Variants in CTNNA3 observed in about 807,000 individuals in gnomAD.
CTNNA3 encodes catenin alpha 3, also known as catenin alpha-3.
In CTNNA3, 76 loss-of-function variants were observed where a neutral mutation model predicts 95.7. That is an observed-to-expected ratio of 0.79 (90% CI 0.66 to 0.96). The LOEUF (loss-of-function observed/expected upper bound fraction) is 0.96, where lower values mean the gene tolerates loss of function less well. Among genes scored for constraint, CTNNA3 ranks in the 40% least tolerant of loss-of-function variants. The pLI is 0.00. For missense variants in CTNNA3, 1,191 were observed against 1,089.8 expected (o/e 1.09, Z -1.31); for synonymous variants, 431 against 374.4 (o/e 1.15, Z -1.74).
At chr10:66,164,986 C>T (rs972790755) in intron 13 of CTNNA3, among the ~76,000 whole-genome samples, 1 of 152,018 alleles carries the variant, frequency 6.6e-6, no homozygotes, top group Non-Finnish European at 1.5e-5. Flanking sequence ...ATTTCTGTTC[C>T]TATCTGACAC....
intron 1 of CTNNA3, among the ~76,000 whole-genome samples, chr10:67,720,031 A>G (rs984513884): frequency 2.7e-5 from 4 of 149,720 alleles, no homozygotes; most frequent in African/African-American, 7.4e-5. Flanking sequence ...TTCTTGTTGC[A>G]TTGATCCCTT....
At chr10:66,068,710 T>A (rs1030542856) in intron 15 of CTNNA3, among the ~76,000 whole-genome samples, 1 of 152,196 alleles carries the variant, frequency 6.6e-6, no homozygotes, top group Non-Finnish European at 1.5e-5. Flanking sequence ...ATAGTTTGTG[T>A]ACATTAGTTA....
At chr10:67,483,451 G>T (rs1169012427) in intron 5 of CTNNA3, among the ~76,000 whole-genome samples, 1 of 150,340 alleles carries the variant, frequency 6.7e-6, no homozygotes, top group Non-Finnish European at 1.5e-5. Flanking sequence ...AAAATGATGA[G>T]TTCATGTCCT....
chr10:66,246,435 G>A (rs2090328987), intron 13 of CTNNA3, among the ~76,000 whole-genome samples: 1 of 152,098 alleles, frequency 6.6e-6, no homozygotes, highest in Admixed American at 6.6e-5. Flanking sequence ...GCAAGGGCCA[G>A]GGCTCCTGCT....
At position 66,359,615 on chromosome 10, in the gene CTNNA3, CA is replaced by C. The variant is rs2092637557; in HGVS notation, c.1732+19536del. Reference sequence around the variant, plus strand: ...AGACAATAGCATCAATTAGGAGATACATGCATACCTCTGTTCTGTTTTGCAT... The same window carrying C: ...AGACAATAGCATCAATTAGGAGATACTGCATACCTCTGTTCTGTTTTGCAT... On this transcript the variant is annotated intron_variant, in intron 12 of 17. Coordinates refer to ENST00000433211, the MANE Select transcript of CTNNA3 (RefSeq NM_013266.4). Among the ~76,000 whole-genome samples, 4 of 152,232 alleles carry C rather than the reference CA, an allele frequency of 2.6e-5. No individual in the cohort carries two copies. In the South Asian group the frequency reaches 8.3e-4, roughly 32 times the overall value.
At chr10:66,303,322 T>C (rs2091889926) in intron 12 of CTNNA3, among the ~76,000 whole-genome samples, 1 of 151,902 alleles carries the variant, frequency 6.6e-6, no homozygotes, top group African/African-American at 2.4e-5. Context: ...AAAGAAACAA[T>C]AGTTATGAAA....
At chr10:67,116,272 G>T (rs1859184265) in intron 7 of CTNNA3, among the ~76,000 whole-genome samples, 1 of 152,074 alleles carries the variant, frequency 6.6e-6, no homozygotes. Flanking sequence ...CTTCTAAGGA[G>T]TGACTTATTC....
At chr10:67,070,532 A>C (rs1856382313) in intron 7 of CTNNA3, among the ~76,000 whole-genome samples, 1 of 152,090 alleles carries the variant, frequency 6.6e-6, no homozygotes, top group Non-Finnish European at 1.5e-5. Flanking sequence ...GCAGATAACA[A>C]GGTCCGGAGA....
intron 11 of CTNNA3, among the ~76,000 whole-genome samples, chr10:66,498,166 C>T (rs868385158): frequency 1.1e-4 from 17 of 151,878 alleles, no homozygotes; most frequent in Admixed American, 2.6e-4. Context: ...ACAATGACAA[C>T]GAAATCTCAA....
intron 12 of CTNNA3, among the ~76,000 whole-genome samples, chr10:66,298,713 AAGTGATCT>A (rs1243485927): frequency 1.3e-5 from 2 of 152,162 alleles, no homozygotes; most frequent in African/African-American, 4.8e-5. Context: ...GAGAGTTGGC[AAGTGATCT>A]AGTCAGCCAA....
chr10:66,499,624 A>C (rs1840211847), intron 11 of CTNNA3, among the ~76,000 whole-genome samples: 2 of 152,122 alleles, frequency 1.3e-5, no homozygotes, highest in Admixed American at 1.3e-4. Context: ...ATATAAAACT[A>C]ATATCATTGT....
chr10:67,093,832 T>C (rs1481086317), intron 7 of CTNNA3, among the ~76,000 whole-genome samples: 1 of 152,028 alleles, frequency 6.6e-6, no homozygotes, highest in Non-Finnish European at 1.5e-5. Flanking sequence ...ACACTCCTTT[T>C]TCAAATTATG....
At chr10:67,080,095 T>G (rs922872110) in intron 7 of CTNNA3, among the ~76,000 whole-genome samples, 1 of 152,132 alleles carries the variant, frequency 6.6e-6, no homozygotes, top group Non-Finnish European at 1.5e-5. Context: ...AGGGAGGGCA[T>G]GGCAAGAAGA....
intron 7 of CTNNA3, chr10:66,928,073 G>A: frequency 6.2e-7 from 1 of 1,614,056 alleles, no homozygotes; most frequent in Non-Finnish European, 8.5e-7. Context: ...AAGCTCCCCA[G>A]GCCGAAGCAT....
At chr10:66,073,135 G>A (rs771265837) in intron 14 of CTNNA3, among the ~76,000 whole-genome samples, 1 of 152,050 alleles carries the variant, frequency 6.6e-6, no homozygotes, top group Non-Finnish European at 1.5e-5. Flanking sequence ...GGGGGAGGGG[G>A]TTTGAGAAGA....
intron 10 of CTNNA3, among the ~76,000 whole-genome samples, chr10:66,618,655 G>T (rs1423779889): frequency 1.3e-5 from 2 of 152,096 alleles, no homozygotes; most frequent in African/African-American, 4.8e-5. Flanking sequence ...CATGGGCAAG[G>T]ACTTCATGTC....
intron 5 of CTNNA3, among the ~76,000 whole-genome samples, chr10:67,449,064 G>A (rs1846865025): frequency 6.6e-6 from 1 of 151,588 alleles, no homozygotes; most frequent in African/African-American, 2.4e-5. Context: ...AGCCAAATCA[G>A]CCGAATCTCA....
intron 15 of CTNNA3, among the ~76,000 whole-genome samples, chr10:66,048,531 C>G (rs373251914): frequency 6.6e-6 from 1 of 152,054 alleles, no homozygotes; most frequent in Non-Finnish European, 1.5e-5. Context: ...GAGGCTGAGA[C>G]GGGCGGATCA....
chr10:66,211,165 G>A (rs989730012), intron 13 of CTNNA3, among the ~76,000 whole-genome samples: 1 of 152,136 alleles, frequency 6.6e-6, no homozygotes, highest in Non-Finnish European at 1.5e-5. Flanking sequence ...ATCAACACAG[G>A]AAAAGACAGC....
Sources: allele counts gnomAD v4.1 joint callset (sites outside exome capture counted in the v4.1 genomes callset), GRCh38; gene constraint gnomAD v4.1.1; transcripts MANE v1.5; gene names NCBI Gene and HGNC (gene_info 2026-07-23, HGNC 2026-07-21).